EPS15L1: variants seen among roughly 807,000 people sequenced by gnomAD.
The protein encoded by EPS15L1 is epidermal growth factor receptor pathway substrate 15 like 1.
A neutral mutation model predicts 117.1 loss-of-function variants in EPS15L1; 43 were observed. The ratio of observed to expected loss-of-function variants is 0.37; its 90% CI spans 0.29 to 0.47. The LOEUF (loss-of-function observed/expected upper bound fraction) is 0.47. Among genes scored for constraint, EPS15L1 ranks in the 20% least tolerant of loss-of-function variants. The probability of loss-of-function intolerance (pLI) is 0.99; values close to 1 mark genes in which losing one functional copy is unlikely to be tolerated. For synonymous variants in EPS15L1, 459 were observed against 470.5 expected, an observed-to-expected ratio of 0.98 and a Z score of 0.32; for missense variants, 981 against 1,164.0, an observed-to-expected ratio of 0.84 and a Z score of 2.29.
At chr19:16,419,812 G>T (rs1278305108) in intron 10 of EPS15L1, among the ~76,000 whole-genome samples, 1 of 152,216 alleles carries the variant, frequency 6.6e-6, no homozygotes, top group Non-Finnish European at 1.5e-5. Flanking sequence ...TCTCTCCCCA[G>T]TCTGCCCCTG....
rs948112888 is a variant in EPS15L1, at chr19:16,471,611, C to T, written c.33+302G>A. Among the ~76,000 whole-genome samples, 2 of 152,172 alleles carry T rather than the reference C, an allele frequency of 1.3e-5. No individual in the cohort carries two copies. The highest frequency in any genetic ancestry group is 2.9e-5 in the Non-Finnish European group (2 of 68,018). The stretch of plus-strand genomic sequence containing the variant: ...CCCACCCCTCCGGGATGCAGCCCAG[C>T]GCCTCCGCGGGTCCCCGGCCTGGGA... On this transcript the variant is annotated intron_variant, in intron 1 of 23. Coordinates refer to ENST00000455140, the MANE Select transcript of EPS15L1 (RefSeq NM_001258374.3). The surrounding 1 kb of genome is among the most constrained non-coding windows in gnomAD (Gnocchi z 4.8).
chr19:16,444,875 T>G (rs1317252787), intron 1 of EPS15L1, among the ~76,000 whole-genome samples: 3 of 152,084 alleles, frequency 2.0e-5, no homozygotes, highest in African/African-American at 7.2e-5. Flanking sequence ...TACAGGTGCG[T>G]GCCACCATGC....
rs2092643829 is a variant in EPS15L1 at position 16,405,167 on chromosome 19, G to A, written c.1267-418C>T. Among the ~76,000 whole-genome samples, 1 of 152,232 alleles carries A rather than the reference G, an allele frequency of 6.6e-6. No homozygotes were observed. The highest frequency in any genetic ancestry group is 2.4e-5 in the African/African-American group (1 of 41,470). On this transcript the variant is annotated intron_variant, in intron 13 of 23. Coordinates refer to ENST00000455140, the MANE Select transcript of EPS15L1 (RefSeq NM_001258374.3). This position sits in a 1 kb window ranked among gnomAD's most constrained non-coding sequence, Gnocchi z 4.0. ...GTGGGCAGGGAAGATGCCCACAAAAGCAGCATTTAGGATGGGGCCAACAGG... is the reference window on the plus strand; with the variant it reads ...GTGGGCAGGGAAGATGCCCACAAAAACAGCATTTAGGATGGGGCCAACAGG...
intron 1 of EPS15L1, among the ~76,000 whole-genome samples, chr19:16,470,987 G>C (rs1363880262): frequency 6.6e-6 from 1 of 152,210 alleles, no homozygotes; most frequent in African/African-American, 2.4e-5. Context: ...AAGGCACAGA[G>C]AAATCGGGGC....
At chr19:16,369,680 T>A (rs1244626002) in intron 22 of EPS15L1, among the ~76,000 whole-genome samples, 1 of 145,866 alleles carries the variant, frequency 6.9e-6, no homozygotes, top group Non-Finnish European at 1.5e-5. Context: ...AAAAAAAGTG[T>A]GTGTGTGTGT....
chr19:16,377,331 C>A, intron 21 of EPS15L1, 77 bp from the exon 22 acceptor site: 1 of 1,559,026 alleles, frequency 6.4e-7, no homozygotes, highest in South Asian at 1.2e-5. Flanking sequence ...AACAGACGCT[C>A]ATGCTCCAAG....
chr19:16,366,692 AGAG>A (rs1468041780), intron 22 of EPS15L1, among the ~76,000 whole-genome samples: 3 of 152,146 alleles, frequency 2.0e-5, no homozygotes, highest in South Asian at 2.1e-4. Flanking sequence ...CTTTGGTAAG[AGAG>A]GAGATTTTGG....
chr19:16,449,737 G>A (rs2093121517), intron 1 of EPS15L1, among the ~76,000 whole-genome samples: 1 of 152,094 alleles, frequency 6.6e-6, no homozygotes, highest in African/African-American at 2.4e-5. Context: ...CTCCAAACTG[G>A]TAACACCCCG....
chr19:16,459,552 G>A lies in EPS15L1; in HGVS notation c.33+12361C>T, dbSNP rs535546271. Among the ~76,000 whole-genome samples, 3 of 152,254 alleles carry A rather than the reference G, an allele frequency of 2.0e-5. No individual in the cohort carries two copies. The East Asian group carries it at 5.8e-4, about 29-fold the overall frequency. On this transcript the variant is annotated intron_variant, in intron 1 of 23. Coordinates refer to ENST00000455140, the MANE Select transcript of EPS15L1 (RefSeq NM_001258374.3). ...GGGGAGCGGGCAGACATAGCTCTGTGGCTCAGTAGCAGTGAGGACAAGCCA... is the reference window on the plus strand; with the variant it reads ...GGGGAGCGGGCAGACATAGCTCTGTAGCTCAGTAGCAGTGAGGACAAGCCA...
At chr19:16,387,607 G>C (rs12608539) in intron 19 of EPS15L1, among the ~76,000 whole-genome samples, 137,012 of 151,940 alleles carry the variant, frequency 0.9, 62,271 homozygotes, top group South Asian at 0.96. Flanking sequence ...AACTCCGTTT[G>C]AAAAATAAAT....
chr19:16,466,451 T>C (rs188543908), intron 1 of EPS15L1, among the ~76,000 whole-genome samples: 78 of 152,220 alleles, frequency 5.1e-4, no homozygotes, highest in Non-Finnish European at 1.0e-3. Flanking sequence ...CACTACACAT[T>C]GGGCTCATTT....
At chr19:16,366,388 G>A (rs574285354) in intron 22 of EPS15L1, among the ~76,000 whole-genome samples, 1 of 152,174 alleles carries the variant, frequency 6.6e-6, no homozygotes, top group Non-Finnish European at 1.5e-5. Context: ...TCCTCCCTTG[G>A]TTTGGGGGGT....
At chr19:16,364,548 G>A (rs1041442406) in intron 22 of EPS15L1, among the ~76,000 whole-genome samples, 14 of 152,192 alleles carry the variant, frequency 9.2e-5, no homozygotes, top group African/African-American at 3.1e-4. Context: ...CTGGCCTTGA[G>A]GAACTGCCTC....
chr19:16,416,846 G>A (rs78087042), intron 12 of EPS15L1, among the ~76,000 whole-genome samples: 5,026 of 151,852 alleles, frequency 0.033, 298 homozygotes, highest in African/African-American at 0.12. Context: ...AGGATCCAGA[G>A]GGGAATACAG....
chr19:16,417,910 G>C, intron 11 of EPS15L1, 38 bp downstream of exon 11: 5 of 1,587,126 alleles, frequency 3.2e-6, no homozygotes, highest in Non-Finnish European at 3.4e-6. Context: ...GGTGGGAAGG[G>C]ATGTCAATAC....
At chr19:16,420,677 G>A (rs1244769769) in intron 10 of EPS15L1, among the ~76,000 whole-genome samples, 1 of 152,252 alleles carries the variant, frequency 6.6e-6, no homozygotes, top group Non-Finnish European at 1.5e-5. Context: ...TAGCTCCCAA[G>A]TGAAGCCTTC....
chr19:16,386,142 C>T, intron 20 of EPS15L1, 29 bp downstream of exon 20: 1 of 1,569,826 alleles, frequency 6.4e-7, no homozygotes, highest in Non-Finnish European at 8.8e-7. Flanking sequence ...AAGGAATAGT[C>T]AGGAAGAAAA....
At chr19:16,451,492 G>T (rs1248496575) in intron 1 of EPS15L1, among the ~76,000 whole-genome samples, 3 of 151,598 alleles carry the variant, frequency 2.0e-5, no homozygotes, top group African/African-American at 7.3e-5. Flanking sequence ...TGTTAGAGGT[G>T]CATGTTGAAA....
intron 18 of EPS15L1, among the ~76,000 whole-genome samples, chr19:16,393,077 TATAATA>T (rs149019261): frequency 0.033 from 4,640 of 142,464 alleles, 88 homozygotes; most frequent in African/African-American, 0.045. Context: ...AGGAGCTGGA[TATAATA>T]ATAATAATAA....
Sources: gnomAD v4.1 joint callset for allele counts (sites outside exome capture counted in the v4.1 genomes callset) on GRCh38, gnomAD v4.1.1 for gene constraint, Gnocchi (gnomAD v3.1) non-coding constraint, MANE v1.5 for transcripts, NCBI Gene and HGNC (gene_info 2026-07-23, HGNC 2026-07-21) for gene names.